TNNT2: variants seen among roughly 807,000 people sequenced by gnomAD.
TNNT2 encodes troponin T, cardiac muscle.
TNNT2 carries 34 observed loss-of-function variants against 62.4 expected under a neutral mutation model. That is an observed-to-expected ratio of 0.54 (90% CI 0.41 to 0.72). The LOEUF (loss-of-function observed/expected upper bound fraction) is 0.72. Ranked by LOEUF, TNNT2 falls within the 30% of genes least tolerant of loss-of-function variation. The probability of loss-of-function intolerance (pLI) is 0.00; values close to 1 mark genes in which losing one functional copy is unlikely to be tolerated. For synonymous variants in TNNT2, 123 were observed against 127.2 expected, an observed-to-expected ratio of 0.97 and a Z score of 0.22; for missense variants, 275 against 381.9, an observed-to-expected ratio of 0.72 and a Z score of 2.33.
chr1:201,369,495 G>C (rs1660260390), intron 5 of TNNT2, among the ~76,000 whole-genome samples: 1 of 152,182 alleles, frequency 6.6e-6, no homozygotes, highest in South Asian at 2.1e-4. Flanking sequence ...TGGCGCTGCT[G>C]TCTTCCAGGT....
chr1:201,359,027 G>T lies in TNNT2; in HGVS notation c.*183C>A. ...CAGAAATGCCAGTCAGTGTGTGGTG[G>T]CTTTTTATTACTGGTGTGGAGTGGG... On this transcript the variant is annotated 3_prime_UTR_variant, in exon 17 of 17. Transcript: ENST00000656932. 1 of 703,072 alleles carries T rather than the reference G, an allele frequency of 1.4e-6. No individual in the cohort carries two copies. Among genetic ancestry groups the T allele is most frequent in the Non-Finnish European group, 2.5e-6 (1 of 398,924 alleles). 43.6% of individuals were successfully genotyped at this position (703,072 alleles called of 1,614,324 possible).
At chr1:201,366,447 G>T (rs571872116) in intron 8 of TNNT2, 8 of 1,126,206 alleles carry the variant, frequency 7.1e-6, no homozygotes, top group South Asian at 2.4e-5. Context: ...CTCTGAAGCC[G>T]CCATGCCTAT....
rs1048740488 is a variant in TNNT2 at position 201,362,308 on chromosome 1, C to G, written c.609+78G>C. On this transcript the variant is annotated intron_variant, in intron 13 of 16. Coordinates refer to ENST00000656932, the MANE Select transcript of TNNT2 (RefSeq NM_001276345.2). Reference sequence around the variant, plus strand: ...AGCCCAATCTCTTCACTCCTCCCCTCCAGCAAGGCGCCTTCCCCTCCCAGG... The same window carrying G: ...AGCCCAATCTCTTCACTCCTCCCCTGCAGCAAGGCGCCTTCCCCTCCCAGG... 6.9e-6 allele frequency: 11 copies of G among 1,585,926 alleles called. No individual in the cohort carries two copies. The African/African-American group carries it at 1.5e-4, about 21-fold the overall frequency.
Position 201,359,623 on chromosome 1 carries a change from A to G in TNNT2, c.851T>C (p.Val284Ala), listed in dbSNP as rs1289010014. The G allele has an allele frequency of 6.3e-7, 1 of 1,599,648 alleles. No homozygotes were observed. The highest frequency in any genetic ancestry group is 1.7e-5 in the Admixed American group (1 of 58,686). ...LRNRINDNQKVSKTRGKAKVT... is the reference protein window; with the variant it reads ...LRNRINDNQKASKTRGKAKVT... Reference sequence around the variant, plus strand: ...GGCGAGAATGACCTCAGACACTTACACTTTCTGGTTATCGTTGATCCTGTT... The same window carrying G: ...GGCGAGAATGACCTCAGACACTTACGCTTTCTGGTTATCGTTGATCCTGTT... Residue 284 changes from valine (V) to alanine (A), a missense_variant and splice_region_variant, in exon 16 of 17, where the codon GTC (valine) becomes GCC (alanine). Transcript: ENST00000656932.
At chr1:201,365,153 C>T (rs773697827) in intron 10 of TNNT2, 38 bp downstream of exon 10, 1 of 1,528,984 alleles carries the variant, frequency 6.5e-7, no homozygotes, top group South Asian at 1.1e-5. Flanking sequence ...ACAGACTGGG[C>T]CATCAGAGAA....
At chr1:201,362,438 A>G in intron 12 of TNNT2, 44 bp from the exon 13 acceptor site, 1 of 1,607,952 alleles carries the variant, frequency 6.2e-7, no homozygotes, top group Non-Finnish European at 8.5e-7. Context: ...GAAAAAGACC[A>G]AGACGGCAAC....
At chr1:201,360,010 C>T (rs1035708618) in intron 15 of TNNT2, among the ~76,000 whole-genome samples, 1 of 152,184 alleles carries the variant, frequency 6.6e-6, no homozygotes, top group Non-Finnish European at 1.5e-5. Context: ...CCCCAGACCC[C>T]TCTGGGGCAC....
chr1:201,370,285 G>T (rs1227039234), intron 4 of TNNT2, among the ~76,000 whole-genome samples: 1 of 152,182 alleles, frequency 6.6e-6, no homozygotes, highest in African/African-American at 2.4e-5. Flanking sequence ...CAACGAGCCT[G>T]CCCATGTTCC....
At chr1:201,364,848 C>T (rs548238005) in intron 10 of TNNT2, among the ~76,000 whole-genome samples, 3 of 152,206 alleles carry the variant, frequency 2.0e-5, no homozygotes, top group East Asian at 1.9e-4. Context: ...CCTTCATCTG[C>T]GGGGGAAGAG....
chr1:201,373,469 C>T lies in TNNT2; in HGVS notation c.-14-201G>A, dbSNP rs45535342. 4.0e-3 allele frequency: 2,507 copies of T among 622,936 alleles called. 32 individuals are homozygous for T. The highest frequency in any genetic ancestry group is 0.038 in the African/African-American group (2,083 of 54,986). 38.6% of individuals were successfully genotyped at this position (622,936 alleles called of 1,614,324 possible). ...TGACACCCACATGGCAGCAAGGCCACCTGCTGATGTCCACTTCGTTCCTTG... is the reference window on the plus strand; with the variant it reads ...TGACACCCACATGGCAGCAAGGCCATCTGCTGATGTCCACTTCGTTCCTTG... On this transcript the variant is annotated intron_variant, in intron 1 of 16. Coordinates refer to ENST00000656932, the MANE Select transcript of TNNT2 (RefSeq NM_001276345.2).
chr1:201,372,408 G>A (rs1238645538), intron 2 of TNNT2, among the ~76,000 whole-genome samples: 1 of 152,104 alleles, frequency 6.6e-6, no homozygotes, highest in Non-Finnish European at 1.5e-5. Context: ...TCTCACCAGC[G>A]TTCTGCTCAC....
At chr1:201,372,240 C>T (rs1400761183) in intron 2 of TNNT2, 85 bp from the exon 3 acceptor site, 2 of 1,591,468 alleles carry the variant, frequency 1.3e-6, no homozygotes, top group Non-Finnish European at 8.6e-7. Flanking sequence ...ACACACTGGC[C>T]TTTCCCCAAA....
chr1:201,373,059 T>G lies in TNNT2; in HGVS notation c.41+155A>C, dbSNP rs1402757469. The G allele has an allele frequency of 5.0e-6, 4 of 795,074 alleles. No individual in the cohort carries two copies. The South Asian group carries it at 5.4e-5, about 11-fold the overall frequency. 49.3% of individuals were successfully genotyped at this position (795,074 alleles called of 1,614,324 possible). On this transcript the variant is annotated intron_variant, in intron 2 of 16. Coordinates refer to ENST00000656932, the MANE Select transcript of TNNT2 (RefSeq NM_001276345.2). ...GATCTACAACCCAGGGGTACAGGAG[T>G]GGAAAGGAAATGGCTATATCTCTCC...
At position 201,366,880 on chromosome 1, in the gene TNNT2, G is replaced by A. The variant is rs551922125; in HGVS notation, c.200-9C>T. ...CTCCTCCATTGGGCCATCTGGAGGA[G>A]ATAGAAGCACACAGCCATGGGTCAG... On this transcript the variant is annotated splice_polypyrimidine_tract_variant and intron_variant, in intron 7 of 16. Coordinates refer to ENST00000656932, the MANE Select transcript of TNNT2 (RefSeq NM_001276345.2). 6.2e-7 allele frequency: 1 copy of A among 1,614,156 alleles called. No individual in the cohort carries two copies. Among genetic ancestry groups the A allele is most frequent in the South Asian group, 1.1e-5 (1 of 91,084 alleles).
chr1:201,373,209 C>T lies in TNNT2; in HGVS notation c.41+5G>A, dbSNP rs771830586. 8 of 1,614,094 alleles carry T rather than the reference C, an allele frequency of 5.0e-6. No individual in the cohort carries two copies. The highest frequency in any genetic ancestry group is 6.8e-6 in the Non-Finnish European group (8 of 1,179,946). The stretch of plus-strand genomic sequence containing the variant: ...CCACTCAGGCAAGATGCTCCAGATA[C>T]TCACTCCTCCTCGTACTCTTCCACC... On this transcript the variant is annotated splice_donor_5th_base_variant and intron_variant, in intron 2 of 16. Coordinates refer to ENST00000656932, the MANE Select transcript of TNNT2 (RefSeq NM_001276345.2).
intron 2 of TNNT2, 155 bp downstream of exon 2, chr1:201,373,059 T>A (rs1402757469): frequency 1.3e-6 from 1 of 794,960 alleles, no homozygotes; most frequent in Admixed American, 1.7e-5. Context: ...GGTACAGGAG[T>A]GGAAAGGAAA....
intron 9 of TNNT2, 83 bp downstream of exon 9, chr1:201,365,527 C>G (rs1659501698): frequency 6.0e-6 from 9 of 1,502,052 alleles, no homozygotes; most frequent in African/African-American, 1.4e-5. Flanking sequence ...TCTACCCCAG[C>G]CCAAGGTCAC....
At chr1:201,366,103 A>T (rs1659607684) in intron 8 of TNNT2, 1 of 1,107,094 alleles carries the variant, frequency 9.0e-7, no homozygotes, top group East Asian at 6.5e-5. Context: ...GTCCCAACAC[A>T]TACTGAGACC....
At position 201,377,666 on chromosome 1, in the gene TNNT2, G is replaced by A. The variant is rs1448436290; in HGVS notation, c.-58C>T. On this transcript the variant is annotated 5_prime_UTR_variant, in exon 1 of 17. Coordinates refer to ENST00000656932, the MANE Select transcript of TNNT2 (RefSeq NM_001276345.2). ...GACAGATCCTGGAGGCGTCTGCTCA[G>A]TCTCAGCGGGGACTGGGTGAGGCAG... 2.2e-6 allele frequency: 1 copy of A among 456,292 alleles called. No homozygotes were observed. Among genetic ancestry groups the A allele is most frequent in the Non-Finnish European group, 4.4e-6 (1 of 226,972 alleles). The allele number at this position is 456,292 out of a possible 1,614,324, so 28.3% of individuals were successfully genotyped here.
Sources: allele counts gnomAD v4.1 joint callset (sites outside exome capture counted in the v4.1 genomes callset), GRCh38; gene constraint gnomAD v4.1.1; transcripts MANE v1.5; gene names NCBI Gene and HGNC (gene_info 2026-07-23, HGNC 2026-07-21).